The following LIPC variants were observed in gnomAD, a reference collection of about 807,000 sequenced individuals.
LIPC encodes the protein lipase C, hepatic type, also known as hepatic triacylglycerol lipase.
A neutral mutation model predicts 50.7 loss-of-function variants in LIPC; 44 were observed. The observed-to-expected ratio is 0.87, with a 90% CI of 0.68 to 1.11. LIPC has a LOEUF of 1.11. Ranked by LOEUF, LIPC falls within the 50% of genes most tolerant of loss-of-function variation. The probability of loss-of-function intolerance (pLI) is 0.00; values close to 1 mark genes in which losing one functional copy is unlikely to be tolerated. For synonymous variants in LIPC, 271 were observed against 256.4 expected (o/e 1.06, Z -0.54); for missense variants, 697 against 648.2 (o/e 1.08, Z -0.82).
At chr15:58,547,691 G>A (rs1461391464) in intron 5 of LIPC, among the ~76,000 whole-genome samples, 1 of 116,172 alleles carries the variant, frequency 8.6e-6, no homozygotes, top group Non-Finnish European at 1.9e-5. Flanking sequence ...TTGTTTTGGG[G>A]GTGAGGCCTG....
chr15:58,564,735 T>C (rs559852238), intron 8 of LIPC, among the ~76,000 whole-genome samples: 2 of 151,644 alleles, frequency 1.3e-5, no homozygotes, highest in Non-Finnish European at 1.5e-5. Context: ...TCTCAAAAAA[T>C]AATAATAATA....
At chr15:58,551,226 G>C (rs1300185792) in intron 6 of LIPC, among the ~76,000 whole-genome samples, 1 of 151,974 alleles carries the variant, frequency 6.6e-6, no homozygotes, top group Non-Finnish European at 1.5e-5. Context: ...GCTCAACCCA[G>C]TTTCACTTGC....
In LIPC at chr15:58,457,402, G is replaced by T. The variant is rs781590213; in HGVS notation, c.88+25282G>T. ...TGGGATTACAGGCGTGAGCCACCGCGCCCGGCAGACATGACGTATTCTAAG... is the reference window on the plus strand; with the variant it reads ...TGGGATTACAGGCGTGAGCCACCGCTCCCGGCAGACATGACGTATTCTAAG... On this transcript the variant is annotated intron_variant, in intron 1 of 8. Coordinates refer to ENST00000299022, the MANE Select transcript of LIPC (RefSeq NM_000236.3). Among the ~76,000 whole-genome samples the T allele has an allele frequency of 2.0e-5, 3 of 152,242 alleles. No homozygotes were observed. In the South Asian group the frequency reaches 6.2e-4, roughly 32 times the overall value.
intron 1 of LIPC, among the ~76,000 whole-genome samples, chr15:58,500,892 G>A (rs781617433): frequency 1.7e-4 from 26 of 151,794 alleles, no homozygotes; most frequent in Admixed American, 2.6e-4. Context: ...ACAAAGCCAC[G>A]TCAAAACACA....
In LIPC at chr15:58,548,558, A is replaced by C; in HGVS notation, c.1037A>C (p.Gln346Pro). ...AGGCTCTTCCTCGTAACGCGAGCCC[A>C]GTCCCCCTTCAAAGGTGAGTGTGGA... Reference protein sequence around the residue: ...SKRLFLVTRAQSPFKVYHYQF... With the variant: ...SKRLFLVTRAPSPFKVYHYQF... Residue 346 changes from glutamine (Q) to proline (P), a missense_variant, in exon 6 of 9, where the codon CAG becomes CCG. Transcript: ENST00000299022. The C allele has an allele frequency of 6.3e-7, 1 of 1,591,886 alleles. No individual in the cohort carries two copies. The highest frequency in any genetic ancestry group is 8.5e-7 in the Non-Finnish European group (1 of 1,169,908).
intron 1 of LIPC, among the ~76,000 whole-genome samples, chr15:58,479,345 T>C (rs1891110023): frequency 6.6e-6 from 1 of 152,258 alleles, no homozygotes; most frequent in Non-Finnish European, 1.5e-5. Context: ...AGTTCTAGTG[T>C]TCCTAAGATA....
chr15:58,453,709 T>A (rs1231676955), intron 1 of LIPC, among the ~76,000 whole-genome samples: 1 of 151,940 alleles, frequency 6.6e-6, no homozygotes. Flanking sequence ...AAGACCAGCC[T>A]GGGCAATATG....
intron 1 of LIPC, among the ~76,000 whole-genome samples, chr15:58,504,566 A>G (rs1595904085): frequency 6.6e-6 from 1 of 152,222 alleles, no homozygotes; most frequent in East Asian, 1.9e-4. Flanking sequence ...TGCTACATTC[A>G]GCCTGAGGCC....
chr15:58,488,922 A>G (rs1431447837), intron 1 of LIPC, among the ~76,000 whole-genome samples: 3 of 152,172 alleles, frequency 2.0e-5, no homozygotes, highest in Non-Finnish European at 4.4e-5. Flanking sequence ...AATGAACTTA[A>G]TCTTGACTTC....
chr15:58,519,554 C>T (rs888630599), intron 1 of LIPC, among the ~76,000 whole-genome samples: 36 of 152,228 alleles, frequency 2.4e-4, no homozygotes, highest in Admixed American at 1.4e-3. Flanking sequence ...GTAAGTCCTC[C>T]CACCCCAACC....
At chr15:58,455,035 A>G (rs1566912844) in intron 1 of LIPC, 12 of 152,252 alleles carry the variant, frequency 7.9e-5, no homozygotes. Context: ...TGTGGTGGAA[A>G]TACTATTCAA....
intron 1 of LIPC, chr15:58,436,865 T>C (rs2140628982): frequency 2.2e-6 from 1 of 456,296 alleles, no homozygotes; most frequent in East Asian, 6.9e-5. Context: ...ACACAGCTGA[T>C]AAAGTACATG....
At chr15:58,566,294 G>A in intron 8 of LIPC, 2 of 985,454 alleles carry the variant, frequency 2.0e-6, no homozygotes, top group Non-Finnish European at 2.4e-6. Context: ...AGGGAGACAG[G>A]CAGCCGGCAA....
At chr15:58,470,237 G>A (rs976054444) in intron 1 of LIPC, among the ~76,000 whole-genome samples, 1 of 152,150 alleles carries the variant, frequency 6.6e-6, no homozygotes, top group Admixed American at 6.5e-5. Flanking sequence ...CAGCTGGAAT[G>A]CATTCTTTGA....
At chr15:58,480,701 C>T (rs1342636020) in intron 1 of LIPC, among the ~76,000 whole-genome samples, 3 of 152,178 alleles carry the variant, frequency 2.0e-5, no homozygotes, top group Admixed American at 6.5e-5. Flanking sequence ...TTTCTTGAAA[C>T]GTTATGAGAT....
intron 1 of LIPC, among the ~76,000 whole-genome samples, chr15:58,483,104 C>T (rs1891248146): frequency 6.6e-6 from 1 of 152,188 alleles, no homozygotes; most frequent in African/African-American, 2.4e-5. Flanking sequence ...GTATAGAACA[C>T]ACTAAATTCT....
Position 58,450,440 on chromosome 15 carries a change from G to A in LIPC, c.88+18320G>A, listed in dbSNP as rs182784400. 1.5e-3 allele frequency among the ~76,000 whole-genome samples: 232 copies of A among 152,312 alleles called. 2 individuals carry two copies. The highest frequency in any genetic ancestry group is 2.6e-3 in the Non-Finnish European group (176 of 68,024). On this transcript the variant is annotated intron_variant, in intron 1 of 8. Coordinates refer to ENST00000299022, the MANE Select transcript of LIPC (RefSeq NM_000236.3). ...CAGAACAAGAGTGGGAAGCATTAGA[G>A]ACCAATCATGGGAGAGATGAGGCTG...
chr15:58,542,021 T>A, intron 3 of LIPC, 54 bp downstream of exon 3: 1 of 1,540,028 alleles, frequency 6.5e-7, no homozygotes, highest in Non-Finnish European at 8.8e-7. Flanking sequence ...TCCCTTCCTC[T>A]GAGAGTGAAT....
intron 1 of LIPC, among the ~76,000 whole-genome samples, chr15:58,448,099 A>C (rs2140663596): frequency 6.6e-6 from 1 of 152,280 alleles, no homozygotes; most frequent in South Asian, 2.1e-4. Flanking sequence ...CTTTGCAACA[A>C]GTTCCTAACA....
Sources: allele counts gnomAD v4.1 joint callset (sites outside exome capture counted in the v4.1 genomes callset), GRCh38; gene constraint gnomAD v4.1.1; transcripts MANE v1.5; gene names NCBI Gene and HGNC (gene_info 2026-07-23, HGNC 2026-07-21).